The following XKR9 variants were observed in gnomAD, a reference collection of about 807,000 sequenced individuals.
XKR9 encodes the protein XK-related protein 9.
Under a neutral mutation model 32.0 loss-of-function variants are expected in XKR9, and 32 were observed. The observed-to-expected ratio is 1.00, with a 90% CI of 0.76 to 1.34. The LOEUF is 1.34. XKR9 is among the 40% of genes most tolerant of loss of function. The pLI is 0.00. For synonymous variants in XKR9, 168 were observed against 143.4 expected, an observed-to-expected ratio of 1.17 and a Z score of -1.22; for missense variants, 546 against 429.7, an observed-to-expected ratio of 1.27 and a Z score of -2.39.
chr8:71,060,795 T>C, the XKR9 span, among the ~76,000 whole-genome samples: 1 of 152,178 alleles, frequency 6.6e-6, no homozygotes, highest in Admixed American at 6.5e-5. Flanking sequence ...TTGTTCCTAT[T>C]TTATGAATAA....
At chr8:70,949,985 C>G in the XKR9 span, among the ~76,000 whole-genome samples, 2 of 152,204 alleles carry the variant, frequency 1.3e-5, no homozygotes, top group African/African-American at 4.8e-5. Context: ...TCTATGGCCT[C>G]CCAACATACT....
chr8:71,045,693 A>G, the XKR9 span, among the ~76,000 whole-genome samples: 1 of 152,130 alleles, frequency 6.6e-6, no homozygotes, highest in Admixed American at 6.5e-5. Flanking sequence ...CAGGGCCCTC[A>G]GTGGGGGAAT....
chr8:71,059,733 T>A, the XKR9 span, among the ~76,000 whole-genome samples: 4 of 152,136 alleles, frequency 2.6e-5, no homozygotes, highest in African/African-American at 9.7e-5. Flanking sequence ...TCATAGAAGT[T>A]AGAGCTGGAA....
chr8:70,956,105 G>C, the XKR9 span, among the ~76,000 whole-genome samples: 1 of 152,168 alleles, frequency 6.6e-6, no homozygotes, highest in African/African-American at 2.4e-5. Context: ...CAGTGGGGGT[G>C]GGGGAGCAAG....
intron 2 of XKR9, among the ~76,000 whole-genome samples, chr8:70,781,389 T>C (rs1320181008): frequency 1.3e-5 from 2 of 152,142 alleles, no homozygotes; most frequent in African/African-American, 4.8e-5. Context: ...ACTTTCTTTT[T>C]TTCCTTTTAT....
chr8:70,696,847 CTT>C (rs1481352928), intron 3 of XKR9, among the ~76,000 whole-genome samples: 1 of 151,054 alleles, frequency 6.6e-6, no homozygotes, highest in Non-Finnish European at 1.5e-5. Flanking sequence ...TTTGTATCCT[CTT>C]TTATTTCATT....
chr8:70,975,304 G>T, the XKR9 span, among the ~76,000 whole-genome samples: 4 of 152,170 alleles, frequency 2.6e-5, no homozygotes, highest in Non-Finnish European at 4.4e-5. Context: ...TTTTAGTCAT[G>T]AAGTCCTTGC....
intron 4 of XKR9, among the ~76,000 whole-genome samples, chr8:70,724,671 C>T (rs1363970666): frequency 6.6e-6 from 1 of 152,074 alleles, no homozygotes; most frequent in Non-Finnish European, 1.5e-5. Context: ...AGGTGACAAC[C>T]CACCCTGCTT....
the XKR9 span, among the ~76,000 whole-genome samples, chr8:70,802,188 A>G: frequency 6.6e-6 from 1 of 152,050 alleles, no homozygotes. Flanking sequence ...CGCCCGCCTC[A>G]GCCTCCCAAA....
chr8:70,923,595 C>A, the XKR9 span, among the ~76,000 whole-genome samples: 2 of 152,194 alleles, frequency 1.3e-5, no homozygotes, highest in Admixed American at 6.5e-5. Context: ...GTAAAATGTG[C>A]AAAAGTAAGA....
At chr8:70,811,669 A>G in the XKR9 span, among the ~76,000 whole-genome samples, 17 of 152,284 alleles carry the variant, frequency 1.1e-4, no homozygotes, top group South Asian at 1.0e-3. Context: ...ACACCTCTAC[A>G]CAAATAAACT....
the XKR9 span, among the ~76,000 whole-genome samples, chr8:70,929,012 A>G: frequency 5.0e-4 from 76 of 152,314 alleles, no homozygotes; most frequent in African/African-American, 1.6e-3. Context: ...GCTTCTCCCA[A>G]TGTGAGCATC....
chr8:70,790,443 G>C (rs1225536029), downstream of XKR9: 1 of 152,076 alleles, frequency 6.6e-6, no homozygotes, highest in African/African-American at 2.4e-5. Flanking sequence ...TTTCAGAGAA[G>C]CTTAGTTTTA....
chr8:70,923,903 A>G, the XKR9 span, among the ~76,000 whole-genome samples: 1 of 152,212 alleles, frequency 6.6e-6, no homozygotes, highest in Non-Finnish European at 1.5e-5. Flanking sequence ...CTCCAAATTG[A>G]AAAAACTTCA....
chr8:70,938,858 A>G, the XKR9 span, among the ~76,000 whole-genome samples: 1 of 151,996 alleles, frequency 6.6e-6, no homozygotes, highest in Non-Finnish European at 1.5e-5. Flanking sequence ...GTAGGGGGCT[A>G]GGGGTATAGA....
the XKR9 span, among the ~76,000 whole-genome samples, chr8:70,795,587 A>G: frequency 1.3e-5 from 2 of 152,180 alleles, no homozygotes; most frequent in African/African-American, 2.4e-5. Flanking sequence ...GAACTAATTT[A>G]TACTCCCACC....
intron 4 of XKR9, among the ~76,000 whole-genome samples, chr8:70,721,287 G>C (rs750054189): frequency 1.3e-5 from 2 of 151,488 alleles, no homozygotes; most frequent in African/African-American, 2.4e-5. Flanking sequence ...ACGGTTTTTC[G>C]TTTCTCTATC....
At chr8:70,801,966 G>A in the XKR9 span, among the ~76,000 whole-genome samples, 1 of 139,292 alleles carries the variant, frequency 7.2e-6, no homozygotes. Context: ...ATGGAGTCTT[G>A]CTCTGTCGCC....
chr8:70,685,495 T>C (rs1819236520), intron 3 of XKR9, among the ~76,000 whole-genome samples: 1 of 141,306 alleles, frequency 7.1e-6, no homozygotes, highest in African/African-American at 2.6e-5. Context: ...TAAAGTATAA[T>C]AATAATAATA....
Sources: gnomAD v4.1 joint callset for allele counts (sites outside exome capture counted in the v4.1 genomes callset) on GRCh38, gnomAD v4.1.1 for gene constraint, MANE v1.5 for transcripts, NCBI Gene and HGNC (gene_info 2026-07-23, HGNC 2026-07-21) for gene names.